Variants in HPCAL1 observed in about 807,000 individuals in gnomAD.
HPCAL1 encodes the protein hippocalcin-like protein 1.
HPCAL1 carries 8 observed loss-of-function variants against 17.1 expected under a neutral mutation model. The ratio of observed to expected loss-of-function variants is 0.47; its 90% CI spans 0.27 to 0.84. HPCAL1 has a LOEUF of 0.84. HPCAL1 is among the 40% of genes least tolerant of loss of function. HPCAL1 has a pLI of 0.13. For missense variants in HPCAL1, 165 were observed against 271.1 expected, an observed-to-expected ratio of 0.61 and a Z score of 2.75; for synonymous variants, 112 against 111.4, an observed-to-expected ratio of 1.01 and a Z score of -0.03.
At chr2:10,392,704 A>G (rs976595529) in intron 1 of HPCAL1, among the ~76,000 whole-genome samples, 1 of 147,798 alleles carries the variant, frequency 6.8e-6, no homozygotes, top group Admixed American at 6.7e-5. Flanking sequence ...TAACAGGTCA[A>G]GGTCACACTG....
At chr2:10,349,702 C>CAA (rs55897775) in intron 1 of HPCAL1, among the ~76,000 whole-genome samples, 594 of 52,724 alleles carry the variant, frequency 0.011, 151 homozygotes, top group Non-Finnish European at 0.013. Flanking sequence ...GACTCTGTCT[C>CAA]AAAAAAAAAA....
chr2:10,313,108 G>A (rs1416531360), intron 1 of HPCAL1, among the ~76,000 whole-genome samples: 1 of 152,210 alleles, frequency 6.6e-6, no homozygotes, highest in Non-Finnish European at 1.5e-5. Flanking sequence ...ATGGTGGAGT[G>A]TGATTCTTCT....
At chr2:10,364,332 G>A (rs1472499806) in intron 1 of HPCAL1, among the ~76,000 whole-genome samples, 1 of 152,210 alleles carries the variant, frequency 6.6e-6, no homozygotes, top group Non-Finnish European at 1.5e-5. Context: ...CCTGAGCACC[G>A]AGAGGTGAGG....
At chr2:10,351,876 T>C (rs1201510772) in intron 1 of HPCAL1, among the ~76,000 whole-genome samples, 2 of 151,874 alleles carry the variant, frequency 1.3e-5, no homozygotes, top group African/African-American at 4.8e-5. Context: ...TGTGTCACCA[T>C]TGAGTTCCTT....
chr2:10,349,849 G>A (rs373137653), intron 1 of HPCAL1, among the ~76,000 whole-genome samples: 39 of 151,292 alleles, frequency 2.6e-4, no homozygotes, highest in African/African-American at 9.5e-4. Context: ...CTTGGATTAT[G>A]GGTCCACTGG....
rs1664287351 is a variant in HPCAL1, at chr2:10,330,410, C to T, written c.-111+27233C>T. 2.6e-5 allele frequency among the ~76,000 whole-genome samples: 4 copies of T among 152,190 alleles called. No individual in the cohort carries two copies. Among genetic ancestry groups the T allele is most frequent in the Admixed American group, 2.6e-4 (4 of 15,284 alleles). On this transcript the variant is annotated intron_variant, in intron 1 of 4. Coordinates refer to ENST00000307845, the MANE Select transcript of HPCAL1 (RefSeq NM_002149.4). The surrounding 1 kb of genome is among the most constrained non-coding windows in gnomAD (Gnocchi z 4.2). ...CAAGCCCTGAGTCGTCTAACCTTCCCGGTGTATTAGTCAGCTCTGGCTGCT... is the reference window on the plus strand; with the variant it reads ...CAAGCCCTGAGTCGTCTAACCTTCCTGGTGTATTAGTCAGCTCTGGCTGCT...
At chr2:10,357,302 C>G (rs1202541256) in intron 1 of HPCAL1, among the ~76,000 whole-genome samples, 2 of 152,236 alleles carry the variant, frequency 1.3e-5, no homozygotes, top group African/African-American at 2.4e-5. Context: ...CCTGGCCCAG[C>G]CCAGGTTGTC....
rs536209455 is a variant in HPCAL1, at chr2:10,330,536, G to A, written c.-111+27359G>A. Among the ~76,000 whole-genome samples, 10 of 152,132 alleles carry A rather than the reference G, an allele frequency of 6.6e-5. No homozygotes were observed. The South Asian group carries it at 1.9e-3, about 28-fold the overall frequency. On this transcript the variant is annotated intron_variant, in intron 1 of 4. Transcript: ENST00000307845. This position sits in a 1 kb window ranked among gnomAD's most constrained non-coding sequence, Gnocchi z 4.2. The stretch of plus-strand genomic sequence containing the variant: ...GAGACAGGGTGGCGGCAGGGTTGGT[G>A]TCACCCGAGGCCTCTCTCCTCGGCT...
chr2:10,403,400 G>C (rs749908930), intron 2 of HPCAL1, among the ~76,000 whole-genome samples: 16 of 151,772 alleles, frequency 1.1e-4, no homozygotes, highest in Non-Finnish European at 2.2e-4. Context: ...TGTCACCCAG[G>C]CCTCCAGCTC....
chr2:10,423,295 G>GTGA lies in HPCAL1; in HGVS notation c.484+210_484+212dup, dbSNP rs1227336380. ...TATCCTGGCTCCTCTGTGCAGCTTT[G>GTGA]TGATGCTGGGCATGTTGTGGCCTCT... On this transcript the variant is annotated intron_variant, in intron 4 of 4. Transcript: ENST00000307845. 6.9e-6 allele frequency: 4 copies of GTGA among 579,228 alleles called. No individual in the cohort carries two copies. The African/African-American group carries it at 7.5e-5, about 11-fold the overall frequency. 35.9% of individuals were successfully genotyped at this position (579,228 alleles called of 1,614,324 possible). A position where few individuals can be genotyped will look rare whatever the true frequency, so the allele number is the denominator to read the frequency against.
chr2:10,390,432 G>A (rs1668618315), intron 1 of HPCAL1, among the ~76,000 whole-genome samples: 1 of 152,176 alleles, frequency 6.6e-6, no homozygotes, highest in African/African-American at 2.4e-5. Flanking sequence ...GGAGGCCACA[G>A]TGGAATTAGT....
At chr2:10,349,364 C>T (rs1665680728) in intron 1 of HPCAL1, among the ~76,000 whole-genome samples, 1 of 151,916 alleles carries the variant, frequency 6.6e-6, no homozygotes, top group Admixed American at 6.6e-5. Context: ...ATTATCTGAC[C>T]TGGCAGGGAG....
intron 1 of HPCAL1, among the ~76,000 whole-genome samples, chr2:10,351,611 T>C (rs1317915214): frequency 6.6e-6 from 1 of 151,920 alleles, no homozygotes; most frequent in East Asian, 1.9e-4. Context: ...AGAAAAAAAT[T>C]AGCCAGGTGT....
intron 1 of HPCAL1, among the ~76,000 whole-genome samples, chr2:10,339,210 T>G (rs1051920666): frequency 6.6e-6 from 1 of 152,196 alleles, no homozygotes; most frequent in Non-Finnish European, 1.5e-5. Context: ...TGGAGGGCAG[T>G]GGCATGATCT....
At chr2:10,315,933 G>A (rs1663285657) in intron 1 of HPCAL1, among the ~76,000 whole-genome samples, 1 of 152,166 alleles carries the variant, frequency 6.6e-6, no homozygotes, top group South Asian at 2.1e-4. Flanking sequence ...CTTGAACCCA[G>A]GAGGTGGAGG....
chr2:10,319,372 G>T (rs1473084504), intron 1 of HPCAL1, among the ~76,000 whole-genome samples: 2 of 152,154 alleles, frequency 1.3e-5, no homozygotes, highest in East Asian at 3.9e-4. Flanking sequence ...AGCCTCCTCC[G>T]TCTTTTTGTC....
intron 2 of HPCAL1, among the ~76,000 whole-genome samples, chr2:10,403,654 T>C: frequency 6.6e-6 from 1 of 152,124 alleles, no homozygotes; most frequent in Non-Finnish European, 1.5e-5. Flanking sequence ...GGCTAATTTT[T>C]GTATTTTTAG....
intron 1 of HPCAL1, among the ~76,000 whole-genome samples, chr2:10,345,912 G>A (rs923003674): frequency 2.6e-5 from 4 of 152,314 alleles, no homozygotes; most frequent in Non-Finnish European, 4.4e-5. Context: ...AACTTTTGCC[G>A]TATTTTGGAA....
At chr2:10,421,854 T>C (rs1399567369) in intron 3 of HPCAL1, among the ~76,000 whole-genome samples, 2 of 152,192 alleles carry the variant, frequency 1.3e-5, no homozygotes, top group East Asian at 3.8e-4. Flanking sequence ...AGCGACCCAT[T>C]TCCCACGTAG....
Sources: allele counts gnomAD v4.1 joint callset (sites outside exome capture counted in the v4.1 genomes callset), GRCh38; gene constraint gnomAD v4.1.1; non-coding constraint Gnocchi (gnomAD v3.1); transcripts MANE v1.5; gene names NCBI Gene and HGNC (gene_info 2026-07-23, HGNC 2026-07-21).